CLVS1: variants seen among roughly 807,000 people sequenced by gnomAD.
The protein encoded by CLVS1 is clavesin-1.
A neutral mutation model predicts 33.1 loss-of-function variants in CLVS1; 10 were observed. The observed-to-expected ratio is 0.30, with a 90% CI of 0.19 to 0.51. CLVS1 has a LOEUF of 0.51. CLVS1 is among the 20% of genes least tolerant of loss of function. The pLI, the probability that CLVS1 is intolerant of heterozygous loss-of-function variation, is 0.97. For synonymous variants in CLVS1, 163 were observed against 166.1 expected, an observed-to-expected ratio of 0.98 and a Z score of 0.14; for missense variants, 343 against 433.4, an observed-to-expected ratio of 0.79 and a Z score of 1.85.
intron 2 of CLVS1, among the ~76,000 whole-genome samples, chr8:61,318,261 G>T (rs537530406): frequency 1.3e-5 from 2 of 152,220 alleles, no homozygotes; most frequent in African/African-American, 4.8e-5. Flanking sequence ...CTTGTTTGTG[G>T]TGTTCTGTAG....
chr8:61,479,067 G>A (rs1309568269), intron 5 of CLVS1, among the ~76,000 whole-genome samples: 1 of 152,082 alleles, frequency 6.6e-6, no homozygotes, highest in Non-Finnish European at 1.5e-5. Context: ...TCTTTGAGTT[G>A]CTCTTCTCGT....
At chr8:61,212,041 G>A (rs189478432) in intron 2 of CLVS1, among the ~76,000 whole-genome samples, 2 of 152,324 alleles carry the variant, frequency 1.3e-5, no homozygotes, top group East Asian at 3.9e-4. Flanking sequence ...TTTTGGCTCA[G>A]TGAAACCTGT....
At chr8:61,100,902 C>T (rs960357563) in intron 1 of CLVS1, among the ~76,000 whole-genome samples, 1 of 152,076 alleles carries the variant, frequency 6.6e-6, no homozygotes. Context: ...TGTATCAGTA[C>T]TTCATTTTTT....
chr8:61,372,134 G>A (rs1813464277), intron 2 of CLVS1, among the ~76,000 whole-genome samples: 2 of 152,124 alleles, frequency 1.3e-5, no homozygotes, highest in Admixed American at 1.3e-4. Context: ...TTTGATACAA[G>A]TGCTAAAATA....
intron 2 of CLVS1, among the ~76,000 whole-genome samples, chr8:61,269,239 T>C (rs1244375805): frequency 2.0e-5 from 3 of 152,170 alleles, no homozygotes; most frequent in Non-Finnish European, 4.4e-5. Context: ...CACATATGGC[T>C]AGCCAGTTTT....
intron 1 of CLVS1, among the ~76,000 whole-genome samples, chr8:61,070,322 T>C (rs143390335): frequency 6.6e-6 from 1 of 152,368 alleles, no homozygotes; most frequent in African/African-American, 2.4e-5. Flanking sequence ...TGGCCCACCA[T>C]TGAGGCTTGC....
chr8:61,249,069 C>G (rs923216136), intron 2 of CLVS1, among the ~76,000 whole-genome samples: 2 of 152,110 alleles, frequency 1.3e-5, no homozygotes, highest in African/African-American at 4.8e-5. Flanking sequence ...CCCCAAGTCC[C>G]CCACCCCCTG....
chr8:61,489,133 A>G (rs566143065), intron 5 of CLVS1, among the ~76,000 whole-genome samples: 2 of 152,370 alleles, frequency 1.3e-5, no homozygotes, highest in South Asian at 4.1e-4. Context: ...TTTTTTCTCA[A>G]TAATGATCTA....
intron 1 of CLVS1, among the ~76,000 whole-genome samples, chr8:61,111,836 C>A (rs1805632973): frequency 6.6e-6 from 1 of 152,034 alleles, no homozygotes; most frequent in Non-Finnish European, 1.5e-5. Context: ...TAAAATATTT[C>A]ATTGAAATTT....
the CLVS1 span, among the ~76,000 whole-genome samples, chr8:61,027,164 T>C: frequency 6.6e-6 from 1 of 152,174 alleles, no homozygotes; most frequent in African/African-American, 2.4e-5. Flanking sequence ...GAAATGAACA[T>C]GATGGATCAT....
chr8:61,432,315 G>C lies in CLVS1; in HGVS notation c.631-21826G>C, dbSNP rs74568354. Among the ~76,000 whole-genome samples the C allele has an allele frequency of 6.4e-3, 968 of 152,120 alleles. 5 individuals are homozygous for C. Among genetic ancestry groups the C allele is most frequent in the African/African-American group, 0.021 (853 of 41,484 alleles). On this transcript the variant is annotated intron_variant, in intron 3 of 5. Transcript: ENST00000325897. ...ACTTAACACTATTATGGGACGAATT[G>C]TTACCCCCCAAATTCGTCTGTTGAA...
At chr8:61,476,256 C>A (rs1304174205) in intron 5 of CLVS1, among the ~76,000 whole-genome samples, 1 of 152,120 alleles carries the variant, frequency 6.6e-6, no homozygotes, top group Non-Finnish European at 1.5e-5. Context: ...GTTCTTTTGG[C>A]TTAGGATTGA....
intron 3 of CLVS1, among the ~76,000 whole-genome samples, chr8:61,408,301 G>A: frequency 6.6e-6 from 1 of 152,172 alleles, no homozygotes; most frequent in East Asian, 1.9e-4. Flanking sequence ...ACATGAGGAA[G>A]GCAGACATGC....
chr8:61,234,439 A>C (rs1260718467), intron 2 of CLVS1, among the ~76,000 whole-genome samples: 3 of 152,182 alleles, frequency 2.0e-5, no homozygotes, highest in Admixed American at 1.3e-4. Context: ...CAGGGTACAC[A>C]ACACAGAAAG....
intron 3 of CLVS1, among the ~76,000 whole-genome samples, chr8:61,412,841 T>A (rs902239866): frequency 1.4e-4 from 21 of 152,222 alleles, no homozygotes; most frequent in African/African-American, 4.8e-4. Flanking sequence ...GAACTGGTAT[T>A]AAGAAGCTCT....
intron 5 of CLVS1, among the ~76,000 whole-genome samples, chr8:61,481,776 G>T (rs1028736474): frequency 6.6e-6 from 1 of 152,244 alleles, no homozygotes; most frequent in Non-Finnish European, 1.5e-5. Flanking sequence ...TGGGGGCAGG[G>T]TATAGCTGAA....
At chr8:61,242,279 A>T (rs890083801) in intron 2 of CLVS1, among the ~76,000 whole-genome samples, 4 of 152,012 alleles carry the variant, frequency 2.6e-5, no homozygotes, top group Non-Finnish European at 1.5e-5. Context: ...GACTTCAGTT[A>T]TTCATGGTAG....
chr8:61,302,799 G>A (rs1810482946), intron 2 of CLVS1, among the ~76,000 whole-genome samples: 1 of 152,192 alleles, frequency 6.6e-6, no homozygotes, highest in Non-Finnish European at 1.5e-5. Flanking sequence ...TGTATAGAAA[G>A]CATTGCGAGG....
At chr8:61,376,830 T>TA in intron 3 of CLVS1, 51 bp downstream of exon 3, 1 of 1,477,528 alleles carries the variant, frequency 6.8e-7, no homozygotes. Context: ...ACATACTTTT[T>TA]AAAAAATTAT....
Sources: allele counts gnomAD v4.1 joint callset (sites outside exome capture counted in the v4.1 genomes callset), GRCh38; gene constraint gnomAD v4.1.1; transcripts MANE v1.5; gene names NCBI Gene and HGNC (gene_info 2026-07-23, HGNC 2026-07-21).